FKBP15: variants seen among roughly 807,000 people sequenced by gnomAD.
The protein encoded by FKBP15 is FK506-binding protein 15.
In FKBP15, 106 loss-of-function variants were observed where a neutral mutation model predicts 158.1. The observed-to-expected ratio is 0.67, with a 90% CI of 0.57 to 0.79. The LOEUF is 0.79. Among genes scored for constraint, FKBP15 ranks in the 30% least tolerant of loss-of-function variants. The pLI is 0.00. For missense variants in FKBP15, 1,287 were observed against 1,479.1 expected (o/e 0.87, Z 2.13); for synonymous variants, 547 against 548.6 (o/e 1.00, Z 0.04).
intron 9 of FKBP15, among the ~76,000 whole-genome samples, chr9:113,196,678 C>T (rs1409044574): frequency 2.0e-5 from 3 of 152,120 alleles, no homozygotes; most frequent in South Asian, 2.1e-4. Flanking sequence ...CCACTGCGCC[C>T]GGCCGAAGAT....
At chr9:113,221,124 C>T in intron 1 of FKBP15, 67 bp downstream of exon 1, 1 of 1,497,268 alleles carries the variant, frequency 6.7e-7, no homozygotes, top group Non-Finnish European at 9.0e-7. Flanking sequence ...AAGAGATCGA[C>T]CCCCCTCCAA....
chr9:113,220,644 C>T (rs1831231919), intron 1 of FKBP15, among the ~76,000 whole-genome samples: 1 of 152,180 alleles, frequency 6.6e-6, no homozygotes, highest in South Asian at 2.1e-4. Context: ...CCGGTGAGGA[C>T]TCATAATCTA....
In FKBP15 at chr9:113,178,735, C is replaced by G; in HGVS notation, c.1981G>C (p.Ala661Pro). 6.2e-7 allele frequency: 1 copy of G among 1,608,844 alleles called. No homozygotes were observed. ...QVSHLQLKMTAHQKKETELQM... is the reference protein window; with the variant it reads ...QVSHLQLKMTPHQKKETELQM... ...AGCTCTGTTTCCTTTTTTTGGTGAG[C>G]AGTCATTTTCAGCTGCAGATGAGAG... The change falls in exon 20 of 28, where the codon GCT becomes CCT. Residue 661 changes from alanine (A) to proline (P), a missense_variant. By Grantham distance (27) the Ala-to-Pro change is conservative. Coordinates refer to ENST00000238256, the MANE Select transcript of FKBP15 (RefSeq NM_015258.2).
intron 20 of FKBP15, among the ~76,000 whole-genome samples, chr9:113,177,447 GT>G (rs1187186695): frequency 6.6e-6 from 1 of 152,190 alleles, no homozygotes; most frequent in Non-Finnish European, 1.5e-5. Flanking sequence ...ATCTAAGACT[GT>G]CTAACACATT....
chr9:113,193,599 A>G, intron 10 of FKBP15, 50 bp from the exon 11 acceptor site: 1 of 1,462,140 alleles, frequency 6.8e-7, no homozygotes, highest in African/African-American at 1.4e-5. Context: ...ATCCAGAATC[A>G]CAAGTCCAAA....
chr9:113,200,852 T>G (rs1166206374), intron 6 of FKBP15, among the ~76,000 whole-genome samples: 1 of 152,028 alleles, frequency 6.6e-6, no homozygotes, highest in Non-Finnish European at 1.5e-5. Flanking sequence ...GAGACCATCC[T>G]GGCCAACATG....
chr9:113,170,694 G>A (rs1830192755), intron 24 of FKBP15, 65 bp from the exon 25 acceptor site: 2 of 1,280,816 alleles, frequency 1.6e-6, no homozygotes, highest in South Asian at 2.4e-5. Flanking sequence ...AAATTCCAGA[G>A]AGGTGTATGG....
chr9:113,167,012 A>G (rs1830109152), intron 27 of FKBP15, among the ~76,000 whole-genome samples: 2 of 152,226 alleles, frequency 1.3e-5, no homozygotes. Flanking sequence ...ATGTGTATAC[A>G]AGTCTCTGGG....
chr9:113,219,720 G>C (rs1164252817), intron 1 of FKBP15, among the ~76,000 whole-genome samples: 2 of 152,130 alleles, frequency 1.3e-5, no homozygotes, highest in Admixed American at 1.3e-4. Flanking sequence ...ATAATTTTCA[G>C]TCAGCTTGGA....
rs1830617102 is a variant in FKBP15, at chr9:113,193,667, C to G, written c.1008-118G>C. The G allele has an allele frequency of 7.2e-6, 6 of 832,724 alleles. No homozygotes were observed. In the Admixed American group the frequency reaches 1.3e-4, roughly 18 times the overall value. The allele number at this position is 832,724 out of a possible 1,614,324, so 51.6% of individuals were successfully genotyped here. A position where few individuals can be genotyped will look rare whatever the true frequency, so the allele number is the denominator to read the frequency against. On this transcript the variant is annotated intron_variant, in intron 10 of 27. Coordinates refer to ENST00000238256, the MANE Select transcript of FKBP15 (RefSeq NM_015258.2). ...GTGTGCCAATTTAATGACTGTAAAA[C>G]AGAATTTTAACTCTTCTTTAGTTTG...
At position 113,169,589 on chromosome 9, in the gene FKBP15, G is replaced by A; in HGVS notation, c.3120C>T (p.Pro1040=). The A allele has an allele frequency of 1.2e-6, 2 of 1,614,012 alleles. No homozygotes were observed. The highest frequency in any genetic ancestry group is 1.3e-5 in the African/African-American group (1 of 75,036). Residue 1040 remains proline (P), a synonymous_variant, in exon 26 of 28, where the codon CCC becomes CCT. Coordinates refer to ENST00000238256, the MANE Select transcript of FKBP15 (RefSeq NM_015258.2). ...SCIPSHRVLG[P]PTSIPPEPLG... Reference sequence around the variant, plus strand: ...GGGGCTCAGGTGGAATTGAAGTCGGGGGCCCTAGAACTCTGTGGGATGGGA... The same window carrying A: ...GGGGCTCAGGTGGAATTGAAGTCGGAGGCCCTAGAACTCTGTGGGATGGGA...
intron 19 of FKBP15, among the ~76,000 whole-genome samples, chr9:113,180,076 A>G (rs933500952): frequency 2.6e-5 from 4 of 152,226 alleles, no homozygotes; most frequent in Non-Finnish European, 5.9e-5. Context: ...CTCTCTCATA[A>G]GGACTTGCAG....
rs867508980 is a variant in FKBP15, at chr9:113,164,551, A to G, written c.*1527T>C. The G allele has an allele frequency of 6.6e-6, 1 of 152,246 alleles. No individual in the cohort carries two copies. The highest frequency in any genetic ancestry group is 6.5e-5 in the Admixed American group (1 of 15,288). The allele number at this position is 152,246 out of a possible 1,614,324, so 9.4% of individuals were successfully genotyped here. A position where few individuals can be genotyped will look rare whatever the true frequency, so the allele number is the denominator to read the frequency against. On this transcript the variant is annotated 3_prime_UTR_variant, in exon 28 of 28. Transcript: ENST00000238256. ...TGCCCTAGAAAGTAGACTATGTCAC[A>G]CCTTTAGGACTGATCAGGGCATTCC... is the stretch of plus-strand genomic sequence containing the variant.
chr9:113,179,443 C>G (rs1016866271), intron 19 of FKBP15, among the ~76,000 whole-genome samples: 3 of 152,146 alleles, frequency 2.0e-5, no homozygotes, highest in Admixed American at 1.3e-4. Context: ...GCGGGCAGAT[C>G]ACGAGGTCAG....
rs1830052481 is a variant in FKBP15, at chr9:113,163,659, G to C, written c.*2419C>G. Reference sequence around the variant, plus strand: ...ACACAGGACTGCTTTCAGGCTCCTGGTTTATTCTCTGATAGACTGAGCTCC... The same window carrying C: ...ACACAGGACTGCTTTCAGGCTCCTGCTTTATTCTCTGATAGACTGAGCTCC... On this transcript the variant is annotated 3_prime_UTR_variant, in exon 28 of 28. Coordinates refer to ENST00000238256, the MANE Select transcript of FKBP15 (RefSeq NM_015258.2). The C allele has an allele frequency of 6.7e-6, 1 of 148,610 alleles. No homozygotes were observed. The allele number at this position is 148,610 out of a possible 1,614,324, so 9.2% of individuals were successfully genotyped here. A position where few individuals can be genotyped will look rare whatever the true frequency, so the allele number is the denominator to read the frequency against.
At chr9:113,219,820 T>A (rs747570020) in intron 1 of FKBP15, among the ~76,000 whole-genome samples, 12 of 151,936 alleles carry the variant, frequency 7.9e-5, no homozygotes, top group Non-Finnish European at 1.5e-4. Flanking sequence ...TAAAGTGGAA[T>A]AGGGAAAAAA....
At chr9:113,168,978 C>G (rs73550222) in intron 26 of FKBP15, among the ~76,000 whole-genome samples, 5,520 of 152,126 alleles carry the variant, frequency 0.036, 135 homozygotes, top group African/African-American at 0.059. Flanking sequence ...CAGGGCCCAC[C>G]ACACTACCAC....
chr9:113,170,739 T>C lies in FKBP15; in HGVS notation c.2659-110A>G, dbSNP rs1003912995. 1.4e-5 allele frequency: 11 copies of C among 770,338 alleles called. No homozygotes were observed. In the African/African-American group the frequency reaches 1.6e-4, roughly 11 times the overall value. The allele number at this position is 770,338 out of a possible 1,614,324, so 47.7% of individuals were successfully genotyped here. On this transcript the variant is annotated intron_variant, in intron 24 of 27. Coordinates refer to ENST00000238256, the MANE Select transcript of FKBP15 (RefSeq NM_015258.2). The stretch of plus-strand genomic sequence containing the variant: ...ATGAAGCCATCTTAGATCTCTACAC[T>C]GGGATACTGCTGGTCATAAGCAGAG...
At position 113,214,564 on chromosome 9, in the gene FKBP15, G is replaced by T. The variant is rs76423213; in HGVS notation, c.54-2972C>A. Among the ~76,000 whole-genome samples, 633 of 152,314 alleles carry T rather than the reference G, an allele frequency of 4.2e-3. 5 individuals are homozygous for T. The highest frequency in any genetic ancestry group is 0.014 in the African/African-American group (589 of 41,568). On this transcript the variant is annotated intron_variant, in intron 1 of 27. Coordinates refer to ENST00000238256, the MANE Select transcript of FKBP15 (RefSeq NM_015258.2). ...GTTCCATTTGCAGAGCACAGGCAGA[G>T]TAAATTTAGCATAATGCCTAAGGGC... is the stretch of plus-strand genomic sequence containing the variant.
Sources: gnomAD v4.1 joint callset for allele counts (sites outside exome capture counted in the v4.1 genomes callset) on GRCh38, gnomAD v4.1.1 for gene constraint, MANE v1.5 for transcripts, NCBI Gene and HGNC (gene_info 2026-07-23, HGNC 2026-07-21) for gene names.